The following SPDYE12 variants were observed in gnomAD, a reference collection of about 807,000 sequenced individuals.
The protein encoded by SPDYE12 is speedy protein E12.
the SPDYE12 span, chr7:74,909,668 G>T: frequency 2.6e-6 from 4 of 1,560,968 alleles, no homozygotes; most frequent in Non-Finnish European, 3.5e-6. Flanking sequence ...GAAGATTGTG[G>T]AGATAGTGGA....
the SPDYE12 span, among the ~76,000 whole-genome samples, chr7:74,907,297 C>T: frequency 6.6e-6 from 1 of 151,176 alleles, no homozygotes; most frequent in East Asian, 1.9e-4. Flanking sequence ...AGGATGGAGA[C>T]AAAAACCCAA....
the SPDYE12 span, among the ~76,000 whole-genome samples, chr7:74,908,652 T>G: frequency 7.5e-6 from 1 of 132,918 alleles, no homozygotes; most frequent in South Asian, 2.4e-4. Flanking sequence ...GTTCCTTTTG[T>G]TTTTTGTTCT....
At chr7:74,909,200 C>A in the SPDYE12 span, among the ~76,000 whole-genome samples, 1 of 150,434 alleles carries the variant, frequency 6.6e-6, no homozygotes, top group African/African-American at 2.4e-5. Flanking sequence ...ATTACAGGTG[C>A]ACACCAACAT....
At chr7:74,909,110 G>A in the SPDYE12 span, among the ~76,000 whole-genome samples, 1 of 133,262 alleles carries the variant, frequency 7.5e-6, no homozygotes, top group African/African-American at 2.9e-5. Context: ...CTGGAGTGCA[G>A]TGGCTCAACC....
chr7:74,908,658 G>GTTTTTT, the SPDYE12 span, among the ~76,000 whole-genome samples: 2 of 65,990 alleles, frequency 3.0e-5, no homozygotes, highest in Admixed American at 2.0e-4. Flanking sequence ...TTTGTTTTTT[G>GTTTTTT]TTCTTTTTTT....
At chr7:74,906,108 G>C in the SPDYE12 span, among the ~76,000 whole-genome samples, 1 of 137,788 alleles carries the variant, frequency 7.3e-6, no homozygotes, top group South Asian at 2.3e-4. Context: ...TGTCACTTCA[G>C]ATCTAAACTT....
chr7:74,905,135 A>G, the SPDYE12 span, among the ~76,000 whole-genome samples: 1 of 124,472 alleles, frequency 8.0e-6, no homozygotes, highest in East Asian at 2.2e-4. Context: ...TTTAAAGATA[A>G]TAAAAGATTT....
chr7:74,909,778 C>G, the SPDYE12 span, among the ~76,000 whole-genome samples: 3 of 150,692 alleles, frequency 2.0e-5, 1 homozygote, highest in Non-Finnish European at 4.4e-5. Context: ...ATTCGAAGGT[C>G]GGATGCAAAT....
chr7:74,908,713 G>A, the SPDYE12 span, among the ~76,000 whole-genome samples: 8 of 104,248 alleles, frequency 7.7e-5, no homozygotes, highest in Non-Finnish European at 1.2e-4. Flanking sequence ...TCATTCTGTC[G>A]CCCAGGCTGG....
the SPDYE12 span, among the ~76,000 whole-genome samples, chr7:74,906,205 A>G: frequency 1.4e-5 from 2 of 141,386 alleles, no homozygotes; most frequent in East Asian, 2.0e-4. Flanking sequence ...TCCTCATGAC[A>G]AAGTCTCATG....
the SPDYE12 span, among the ~76,000 whole-genome samples, chr7:74,906,155 C>A: frequency 1.7e-5 from 2 of 120,614 alleles, no homozygotes; most frequent in African/African-American, 7.5e-5. Flanking sequence ...GTGACAACAT[C>A]ACGAACCACG....
chr7:74,904,930 C>T, the SPDYE12 span, among the ~76,000 whole-genome samples: 1 of 147,720 alleles, frequency 6.8e-6, no homozygotes, highest in African/African-American at 2.5e-5. Flanking sequence ...ATATCTGAGA[C>T]ATGTTAAAAA....
chr7:74,906,197 C>T, the SPDYE12 span, among the ~76,000 whole-genome samples: 1 of 141,082 alleles, frequency 7.1e-6, no homozygotes, highest in Non-Finnish European at 1.5e-5. Context: ...ATCCTCCCTC[C>T]TCATGACAAA....
At chr7:74,912,925 C>G in the SPDYE12 span, among the ~76,000 whole-genome samples, 1 of 140,020 alleles carries the variant, frequency 7.1e-6, no homozygotes, top group East Asian at 2.1e-4. Context: ...TCCCAAGTAG[C>G]TGGGATTATA....
At chr7:74,909,932 G>A in the SPDYE12 span, among the ~76,000 whole-genome samples, 3 of 150,042 alleles carry the variant, frequency 2.0e-5, no homozygotes, top group African/African-American at 4.9e-5. Flanking sequence ...GGAGCTGAGA[G>A]TAGAGGGCCC....
chr7:74,910,986 G>A, the SPDYE12 span: 3 of 934,288 alleles, frequency 3.2e-6, no homozygotes, highest in Middle Eastern at 3.1e-4. Flanking sequence ...CCTCCCGGGG[G>A]AAAGTCTCAG....
chr7:74,909,763 G>A, the SPDYE12 span, among the ~76,000 whole-genome samples: 163 of 151,162 alleles, frequency 1.1e-3, 7 homozygotes, highest in Non-Finnish European at 7.1e-4. Context: ...GCGGGGTGGA[G>A]GGGTATTCGA....
At chr7:74,909,841 G>A in the SPDYE12 span, among the ~76,000 whole-genome samples, 7 of 148,430 alleles carry the variant, frequency 4.7e-5, no homozygotes, top group East Asian at 2.0e-4. Flanking sequence ...GGTGGGCTCC[G>A]ATGGGATCTT....
chr7:74,907,311 G>GT, the SPDYE12 span, among the ~76,000 whole-genome samples: 1 of 151,182 alleles, frequency 6.6e-6, no homozygotes, highest in Non-Finnish European at 1.5e-5. Context: ...AACCCAACTG[G>GT]TGACCAAGAG....
Sources: allele counts gnomAD v4.1 joint callset (sites outside exome capture counted in the v4.1 genomes callset), GRCh38; gene constraint gnomAD v4.1.1; transcripts MANE v1.5; gene names NCBI Gene and HGNC (gene_info 2026-07-23, HGNC 2026-07-21).